CACNA2D3: variants seen among roughly 807,000 people sequenced by gnomAD.
CACNA2D3 encodes voltage-dependent calcium channel subunit alpha-2/delta-3.
A neutral mutation model predicts 160.6 loss-of-function variants in CACNA2D3; 60 were observed. That is an observed-to-expected ratio of 0.37 (90% CI 0.30 to 0.46). The LOEUF (loss-of-function observed/expected upper bound fraction) is 0.46. Among genes scored for constraint, CACNA2D3 ranks in the 20% least tolerant of loss-of-function variants. The probability of loss-of-function intolerance (pLI) is 1.00; values close to 1 mark genes in which losing one functional copy is unlikely to be tolerated. For synonymous variants in CACNA2D3, 558 were observed against 492.9 expected (o/e 1.13, Z -1.75); for missense variants, 1,205 against 1,365.0 (o/e 0.88, Z 1.85).
At chr3:54,600,111 T>C (rs945471366) in intron 9 of CACNA2D3, among the ~76,000 whole-genome samples, 2 of 152,198 alleles carry the variant, frequency 1.3e-5, no homozygotes, top group African/African-American at 4.8e-5. Flanking sequence ...GCCAGAACGT[T>C]GCCAGTTCTG....
chr3:54,622,583 GTT>G (rs34935973), intron 9 of CACNA2D3, among the ~76,000 whole-genome samples: 9 of 83,440 alleles, frequency 1.1e-4, no homozygotes, highest in Non-Finnish European at 1.3e-4. Flanking sequence ...CCAGTTTTTG[GTT>G]TTTTTTTTTT....
At chr3:54,429,458 T>C (rs1242263701) in intron 4 of CACNA2D3, among the ~76,000 whole-genome samples, 3 of 152,102 alleles carry the variant, frequency 2.0e-5, no homozygotes, top group African/African-American at 7.2e-5. Flanking sequence ...GAGGAGGGAC[T>C]GGGTAGGTGA....
intron 2 of CACNA2D3, among the ~76,000 whole-genome samples, chr3:54,165,363 C>G (rs943906974): frequency 5.3e-5 from 8 of 151,974 alleles, no homozygotes; most frequent in African/African-American, 1.9e-4. Context: ...AAACTTCACT[C>G]CTGCTCTGGT....
chr3:54,653,268 A>T (rs73068461), intron 11 of CACNA2D3, among the ~76,000 whole-genome samples: 9,519 of 152,216 alleles, frequency 0.063, 340 homozygotes, highest in South Asian at 0.11. Context: ...CACTTCTGTG[A>T]ATGCTCCAAG....
chr3:54,737,966 A>G (rs1302472308), intron 11 of CACNA2D3, among the ~76,000 whole-genome samples: 1 of 152,168 alleles, frequency 6.6e-6, no homozygotes, highest in Non-Finnish European at 1.5e-5. Flanking sequence ...ATGCCCAGCC[A>G]GAGGGACTCT....
rs1553775459 is a variant in CACNA2D3 at position 54,276,588 on chromosome 3, A to AAAG, written c.205-43842_205-43840dup. Among the ~76,000 whole-genome samples the AAAG allele has an allele frequency of 3.8e-3, 489 of 127,698 alleles. 8 individuals carry two copies. The highest frequency in any genetic ancestry group is 8.1e-3 in the Middle Eastern group (2 of 248). 83.8% of individuals were successfully genotyped at this position (127,698 alleles called of 152,430 possible). A position where few individuals can be genotyped will look rare whatever the true frequency, so the allele number is the denominator to read the frequency against. Reference sequence around the variant, plus strand: ...ACTCTGTCTCAAAAAAAAAAAAAAAAAAGAAGAAGAAGAAAGAGAGAGCCA... The same window carrying AAAG: ...ACTCTGTCTCAAAAAAAAAAAAAAAAAAGAAGAAGAAGAAGAAAGAGAGAGCCA... On this transcript the variant is annotated intron_variant, in intron 2 of 37. Coordinates refer to ENST00000474759, the MANE Select transcript of CACNA2D3 (RefSeq NM_018398.3).
In CACNA2D3 at chr3:54,495,496, C is replaced by T. The variant is rs550063778; in HGVS notation, c.382-7996C>T. Among the ~76,000 whole-genome samples, 5 of 152,256 alleles carry T rather than the reference C, an allele frequency of 3.3e-5. No individual in the cohort carries two copies. The South Asian group carries it at 1.0e-3, about 32-fold the overall frequency. Reference sequence around the variant, plus strand: ...AGGTGCAGTGGCTCATACCTGTAATCCCAGCACTTTGGGAGGCTGAAGAGG... The same window carrying T: ...AGGTGCAGTGGCTCATACCTGTAATTCCAGCACTTTGGGAGGCTGAAGAGG... On this transcript the variant is annotated intron_variant, in intron 4 of 37. Coordinates refer to ENST00000474759, the MANE Select transcript of CACNA2D3 (RefSeq NM_018398.3).
chr3:55,023,231 T>G (rs774113751), intron 35 of CACNA2D3, among the ~76,000 whole-genome samples: 14 of 152,302 alleles, frequency 9.2e-5, no homozygotes, highest in Non-Finnish European at 1.5e-4. Context: ...CGGATGGCTT[T>G]TACAGTGTTC....
chr3:54,724,036 A>C (rs1324822573), intron 11 of CACNA2D3, among the ~76,000 whole-genome samples: 1 of 152,134 alleles, frequency 6.6e-6, no homozygotes, highest in Non-Finnish European at 1.5e-5. Flanking sequence ...TCTCACGTGC[A>C]GACACACATA....
At chr3:54,406,727 C>A (rs1249096001) in intron 4 of CACNA2D3, among the ~76,000 whole-genome samples, 1 of 151,766 alleles carries the variant, frequency 6.6e-6, no homozygotes, top group Admixed American at 6.6e-5. Context: ...GTAGGAAGTA[C>A]AAGTTGATCT....
At chr3:54,840,079 C>T (rs1048430926) in intron 16 of CACNA2D3, among the ~76,000 whole-genome samples, 1 of 152,120 alleles carries the variant, frequency 6.6e-6, no homozygotes, top group African/African-American at 2.4e-5. Context: ...GAAAAGGCAT[C>T]CCACCTGTAG....
chr3:54,319,471 T>C lies in CACNA2D3; in HGVS notation c.205-971T>C, dbSNP rs180807987. On this transcript the variant is annotated intron_variant, in intron 2 of 37. Coordinates refer to ENST00000474759, the MANE Select transcript of CACNA2D3 (RefSeq NM_018398.3). ...CCCACAAATAAGAGTAAATATATCT[T>C]ACCCAGCATCTTTAATTTTCCAGCT... Among the ~76,000 whole-genome samples the C allele has an allele frequency of 1.2e-4, 18 of 152,286 alleles. No homozygotes were observed. The East Asian group carries it at 3.5e-3, about 29-fold the overall frequency.
At chr3:54,646,190 CCTTGCTTCCTTCCTTCCTTCCTTCCT>C (rs1699644815) in intron 11 of CACNA2D3, among the ~76,000 whole-genome samples, 60 of 15,712 alleles carry the variant, frequency 3.8e-3, no homozygotes, top group Non-Finnish European at 4.9e-3. Flanking sequence ...CTCCCTCCTT[CCTTGCTTCCTTCCTTCCTTCCTTCCT>C]TCCTTCCTTC....
intron 13 of CACNA2D3, among the ~76,000 whole-genome samples, chr3:54,811,524 A>C (rs1703318851): frequency 1.7e-5 from 2 of 117,870 alleles, no homozygotes; most frequent in Admixed American, 1.1e-4. Flanking sequence ...TTGAGACAGC[A>C]TCTCACTCTG....
At chr3:54,169,558 AAAAT>A (rs780890804) in intron 2 of CACNA2D3, among the ~76,000 whole-genome samples, 38 of 152,356 alleles carry the variant, frequency 2.5e-4, no homozygotes, top group Non-Finnish European at 4.6e-4. Flanking sequence ...GGAAAAACAG[AAAAT>A]AAATAAATAA....
At chr3:54,702,210 T>A (rs1344676594) in intron 11 of CACNA2D3, among the ~76,000 whole-genome samples, 1 of 152,150 alleles carries the variant, frequency 6.6e-6, no homozygotes, top group Non-Finnish European at 1.5e-5. Flanking sequence ...TGGGAAAGAA[T>A]TTGTGATGAA....
chr3:54,387,236 T>A (rs1699203494), intron 4 of CACNA2D3, among the ~76,000 whole-genome samples: 1 of 152,262 alleles, frequency 6.6e-6, no homozygotes, highest in Admixed American at 6.5e-5. Context: ...AATATCCATT[T>A]CATTAATTTC....
At chr3:54,850,566 G>A (rs1449473031) in intron 17 of CACNA2D3, among the ~76,000 whole-genome samples, 1 of 152,144 alleles carries the variant, frequency 6.6e-6, no homozygotes, top group Non-Finnish European at 1.5e-5. Context: ...CAGCGGATTG[G>A]TCATCCATCT....
At chr3:54,923,536 T>C (rs1700914436) in intron 27 of CACNA2D3, among the ~76,000 whole-genome samples, 1 of 152,234 alleles carries the variant, frequency 6.6e-6, no homozygotes, top group South Asian at 2.1e-4. Flanking sequence ...CTAACTGCTA[T>C]TCTAAACATG....
Sources: allele counts gnomAD v4.1 joint callset (sites outside exome capture counted in the v4.1 genomes callset), GRCh38; gene constraint gnomAD v4.1.1; transcripts MANE v1.5; gene names NCBI Gene and HGNC (gene_info 2026-07-23, HGNC 2026-07-21).